ANKRD44: variants seen among roughly 807,000 people sequenced by gnomAD.
ANKRD44 encodes the protein ankyrin repeat domain 44, also known as serine/threonine-protein phosphatase 6 regulatory ankyrin repeat subunit B.
ANKRD44 carries 35 observed loss-of-function variants against 116.0 expected under a neutral mutation model. That is an observed-to-expected ratio of 0.30 (90% CI 0.23 to 0.40). The LOEUF (loss-of-function observed/expected upper bound fraction) is 0.40. ANKRD44 is among the 10% of genes least tolerant of loss of function. The probability of loss-of-function intolerance (pLI) is 1.00; values close to 1 mark genes in which losing one functional copy is unlikely to be tolerated. For synonymous variants in ANKRD44, 435 were observed against 461.8 expected (o/e 0.94, Z 0.74); for missense variants, 1,014 against 1,242.6 (o/e 0.82, Z 2.77).
intron 17 of ANKRD44, among the ~76,000 whole-genome samples, chr2:197,018,370 T>G (rs1301121283): frequency 6.6e-6 from 1 of 152,092 alleles, no homozygotes; most frequent in Non-Finnish European, 1.5e-5. Context: ...TGCACCAGCC[T>G]CCCTCTATAG....
chr2:197,286,271 G>T (rs1270369745), intron 1 of ANKRD44, among the ~76,000 whole-genome samples: 4 of 151,976 alleles, frequency 2.6e-5, no homozygotes. Context: ...TTAATTCAAA[G>T]ATTTCCCTAA....
intron 1 of ANKRD44, among the ~76,000 whole-genome samples, chr2:197,289,056 C>G (rs2083485989): frequency 6.6e-6 from 1 of 152,100 alleles, no homozygotes; most frequent in Non-Finnish European, 1.5e-5. Context: ...AAGAGAGGCT[C>G]TAAGTGATAC....
intron 9 of ANKRD44, among the ~76,000 whole-genome samples, chr2:197,101,878 T>C (rs974034896): frequency 2.6e-5 from 4 of 152,174 alleles, no homozygotes; most frequent in Non-Finnish European, 2.9e-5. Flanking sequence ...CTTTCAAATA[T>C]TTTTACTGGG....
intron 17 of ANKRD44, among the ~76,000 whole-genome samples, chr2:197,023,118 T>C (rs541664383): frequency 1.3e-5 from 2 of 152,318 alleles, no homozygotes; most frequent in South Asian, 4.1e-4. Flanking sequence ...TTAGTAATGA[T>C]GACGATGAAG....
intron 2 of ANKRD44, among the ~76,000 whole-genome samples, chr2:197,181,968 C>T (rs934369794): frequency 6.6e-6 from 1 of 152,206 alleles, no homozygotes; most frequent in African/African-American, 2.4e-5. Context: ...GTTCCCTCCC[C>T]ATCATCATCA....
At chr2:197,025,390 G>A (rs1327075210) in intron 16 of ANKRD44, 123 bp from the exon 17 acceptor site, 2 of 650,808 alleles carry the variant, frequency 3.1e-6, no homozygotes, top group Non-Finnish European at 5.4e-6. Flanking sequence ...ATAAAAATAT[G>A]ATATAACATA....
At chr2:197,254,656 A>T (rs1263485241) in intron 1 of ANKRD44, among the ~76,000 whole-genome samples, 2 of 151,124 alleles carry the variant, frequency 1.3e-5, no homozygotes, top group African/African-American at 4.9e-5. Context: ...TTAATATTAA[A>T]ATCATGTTTC....
chr2:197,172,194 G>A (rs544490199), intron 2 of ANKRD44, among the ~76,000 whole-genome samples: 2 of 151,916 alleles, frequency 1.3e-5, no homozygotes, highest in Admixed American at 6.6e-5. Context: ...AGAGAGGGGG[G>A]CTTCACCATA....
chr2:197,216,580 C>T (rs1206232223), intron 1 of ANKRD44, among the ~76,000 whole-genome samples: 1 of 152,078 alleles, frequency 6.6e-6, no homozygotes, highest in Admixed American at 6.5e-5. Context: ...AGTGCTTTTT[C>T]AGAAATTGAT....
intron 16 of ANKRD44, among the ~76,000 whole-genome samples, chr2:197,066,259 T>C (rs2077431636): frequency 6.6e-6 from 1 of 152,198 alleles, no homozygotes; most frequent in African/African-American, 2.4e-5. Flanking sequence ...CTAAAAACTC[T>C]CAATAAATTA....
At chr2:197,165,260 G>A (rs2080077795) in intron 2 of ANKRD44, among the ~76,000 whole-genome samples, 1 of 152,160 alleles carries the variant, frequency 6.6e-6, no homozygotes, top group African/African-American at 2.4e-5. Context: ...TATGTCCAAG[G>A]GCCAGGTAAA....
At chr2:197,033,658 T>A (rs1487488116) in intron 16 of ANKRD44, among the ~76,000 whole-genome samples, 2 of 88,016 alleles carry the variant, frequency 2.3e-5, no homozygotes, top group Non-Finnish European at 4.3e-5. Context: ...AATTATGTGT[T>A]GTTGTTGCTT....
intron 8 of ANKRD44, among the ~76,000 whole-genome samples, chr2:197,119,340 T>C (rs184761152): frequency 6.6e-6 from 1 of 152,264 alleles, no homozygotes. Flanking sequence ...CTCAAAATCA[T>C]CCAGTAGATG....
intron 9 of ANKRD44, among the ~76,000 whole-genome samples, chr2:197,108,874 A>AACAAC (rs2078499853): frequency 2.0e-5 from 3 of 149,836 alleles, no homozygotes; most frequent in African/African-American, 7.5e-5. Flanking sequence ...ACAACAACAA[A>AACAAC]AACACAAATA....
At chr2:197,016,660 T>C (rs532552141) in intron 17 of ANKRD44, among the ~76,000 whole-genome samples, 25 of 152,282 alleles carry the variant, frequency 1.6e-4, no homozygotes, top group Admixed American at 1.5e-3. Flanking sequence ...GTGTTTTAGA[T>C]AAATAGGACT....
At chr2:197,129,674 CTT>C (rs577434473) in intron 4 of ANKRD44, among the ~76,000 whole-genome samples, 193 of 152,258 alleles carry the variant, frequency 1.3e-3, no homozygotes, top group African/African-American at 4.5e-3. Context: ...TTTTACAACT[CTT>C]TTTATTTAAC....
intron 21 of ANKRD44, among the ~76,000 whole-genome samples, chr2:196,969,509 G>A (rs1372451975): frequency 6.6e-6 from 1 of 152,206 alleles, no homozygotes; most frequent in Admixed American, 6.5e-5. Flanking sequence ...GCAGGAAGGA[G>A]GTAGGGGATG....
intron 17 of ANKRD44, among the ~76,000 whole-genome samples, chr2:197,021,614 G>A (rs1043498598): frequency 1.3e-5 from 2 of 152,150 alleles, no homozygotes; most frequent in Admixed American, 6.5e-5. Flanking sequence ...AAAAGTGTCT[G>A]TTCATATCCT....
chr2:196,995,934 C>T (rs2076004163), intron 25 of ANKRD44, among the ~76,000 whole-genome samples: 1 of 152,146 alleles, frequency 6.6e-6, no homozygotes, highest in South Asian at 2.1e-4. Context: ...CATTAATTGC[C>T]TTATATTGTG....
Sources: allele counts gnomAD v4.1 joint callset (sites outside exome capture counted in the v4.1 genomes callset), GRCh38; gene constraint gnomAD v4.1.1; transcripts MANE v1.5; gene names NCBI Gene and HGNC (gene_info 2026-07-23, HGNC 2026-07-21).